The following TCF20 variants were observed in gnomAD, a reference collection of about 807,000 sequenced individuals.
TCF20 encodes transcription factor 20.
A neutral mutation model predicts 148.6 loss-of-function variants in TCF20; 3 were observed. The ratio of observed to expected loss-of-function variants is 0.02; its 90% CI spans 0.01 to 0.05. The LOEUF (loss-of-function observed/expected upper bound fraction) is 0.05, where lower values mean the gene tolerates loss of function less well. Among genes scored for constraint, TCF20 ranks in the 10% least tolerant of loss-of-function variants. TCF20 has a pLI of 1.00. For missense variants in TCF20, 2,350 were observed against 2,429.3 expected (o/e 0.97, Z 0.69); for synonymous variants, 1,049 against 909.5 (o/e 1.15, Z -2.76).
Position 42,212,768 on chromosome 22 carries a change from T to G in TCF20, c.2538A>C (p.Glu846Asp), listed in dbSNP as rs764892765. 23 of 1,614,090 alleles carry G rather than the reference T, an allele frequency of 1.4e-5. No homozygotes were observed. Among genetic ancestry groups the G allele is most frequent in the Non-Finnish European group, 1.8e-5 (21 of 1,180,036 alleles). The change falls in exon 2 of 6, where the codon GAA becomes GAC. Residue 846 changes from glutamate (E) to aspartate (D), a missense_variant. Coordinates refer to ENST00000677622, the MANE Select transcript of TCF20 (RefSeq NM_001378418.1). ...LTDYPIPRKF[E>D]IEPQSSAHEP... ...CATGTGCTGATGACTGAGGCTCTAT[T>G]TCAAACTTTCTGGGAATTGGATAGT...
chr22:42,233,742 A>C (rs1467138531), intron 1 of TCF20, among the ~76,000 whole-genome samples: 3 of 152,190 alleles, frequency 2.0e-5, no homozygotes, highest in Non-Finnish European at 4.4e-5. Context: ...CAAAAGTTTT[A>C]ATCTGTGAGG....
At position 42,212,445 on chromosome 22, in the gene TCF20, G is replaced by C. The variant is rs756073795; in HGVS notation, c.2861C>G (p.Pro954Arg). Residue 954 changes from proline to arginine, a missense_variant, in exon 2 of 6, where the codon CCT becomes CGT. Pro to Arg is a moderately radical substitution (Grantham distance 103, BLOSUM62 -2). This residue lies in a region of TCF20 where 1,641 missense variants were observed against 1,662.6 expected (regional missense o/e 0.99). Coordinates refer to ENST00000677622, the MANE Select transcript of TCF20 (RefSeq NM_001378418.1). ...GCGGTAAGACTCATGCTTGATGCTA[G>C]GAGGATGGCAGTGGTCTCCAGATTT... ...NKKSGDHCHPPSIKHESYRGN... is the reference protein window; with the variant it reads ...NKKSGDHCHPRSIKHESYRGN... 6.8e-6 allele frequency: 11 copies of C among 1,614,224 alleles called. No individual in the cohort carries two copies. The South Asian group carries it at 1.1e-4, about 16-fold the overall frequency.
upstream of TCF20, among the ~76,000 whole-genome samples, chr22:42,272,489 G>A (rs961625974): frequency 6.6e-6 from 1 of 152,176 alleles, no homozygotes; most frequent in African/African-American, 2.4e-5. Context: ...CGTCTCAGAT[G>A]CAGGGCCCGG....
At chr22:42,341,342 G>T (rs540710012) in intron 1 of TCF20, among the ~76,000 whole-genome samples, 1 of 152,184 alleles carries the variant, frequency 6.6e-6, no homozygotes, top group African/African-American at 2.4e-5. Flanking sequence ...CAGAGGGCCT[G>T]ACATAACTCT....
At chr22:42,217,235 T>A (rs964694187) in intron 1 of TCF20, among the ~76,000 whole-genome samples, 1 of 152,180 alleles carries the variant, frequency 6.6e-6, no homozygotes, top group South Asian at 2.1e-4. Context: ...AGCCCCACAG[T>A]TGCCTTGTTC....
intron 1 of TCF20, among the ~76,000 whole-genome samples, 101 bp downstream of exon 1, chr22:42,270,238 C>G (rs1926529706): frequency 6.6e-6 from 1 of 151,678 alleles, no homozygotes; most frequent in Non-Finnish European, 1.5e-5. Context: ...TGGGTCCGGC[C>G]GGGACCTCTG....
At chr22:42,242,224 A>AAAAAAAAAAAC (rs1555942548) in intron 1 of TCF20, among the ~76,000 whole-genome samples, 1 of 147,582 alleles carries the variant, frequency 6.8e-6, no homozygotes, top group African/African-American at 2.6e-5. Flanking sequence ...AAAAAAAAAA[A>AAAAAAAAAAAC]AAACAGAAAA....
intron 2 of TCF20, among the ~76,000 whole-genome samples, chr22:42,207,428 T>C (rs2147185655): frequency 6.6e-6 from 1 of 152,308 alleles, no homozygotes; most frequent in South Asian, 2.1e-4. Flanking sequence ...GCTGCCTTAT[T>C]ATTCTACGGA....
At chr22:42,241,653 T>C (rs1924413602) in intron 1 of TCF20, among the ~76,000 whole-genome samples, 1 of 151,950 alleles carries the variant, frequency 6.6e-6, no homozygotes, top group African/African-American at 2.4e-5. Flanking sequence ...ATGGTGAAAC[T>C]CCATCTCTAC....
chr22:42,176,774 A>T (rs1460649575), intron 3 of TCF20, among the ~76,000 whole-genome samples: 1 of 152,240 alleles, frequency 6.6e-6, no homozygotes, highest in Non-Finnish European at 1.5e-5. Flanking sequence ...GTTCTCGCTC[A>T]TGTGGAAATT....
rs56296819 is a variant in TCF20 at position 42,246,957 on chromosome 22, C to T, written c.-37+23382G>A. ...CTCCAGCCTGGGGGACAGAGCAAGA[C>T]TCTGTCTCAAAAAATTAAAAAAAAA... On this transcript the variant is annotated intron_variant, in intron 1 of 5. Transcript: ENST00000677622. 3.8e-3 allele frequency among the ~76,000 whole-genome samples: 526 copies of T among 139,106 alleles called. 2 individuals carry two copies. Among genetic ancestry groups the T allele is most frequent in the African/African-American group, 0.014 (505 of 36,824 alleles). 91.3% of individuals were successfully genotyped at this position (139,106 alleles called of 152,430 possible).
rs140109749 is a variant in TCF20 at position 42,221,098 on chromosome 22, G to A, written c.-36-5757C>T. Among the ~76,000 whole-genome samples, 7 of 152,306 alleles carry A rather than the reference G, an allele frequency of 4.6e-5. No individual in the cohort carries two copies. In the East Asian group the frequency reaches 1.3e-3, roughly 29 times the overall value. On this transcript the variant is annotated intron_variant, in intron 1 of 5. Transcript: ENST00000677622. ...AGAACTTCCGTTCCAGAACCCTTTA[G>A]CAGCATGGTTCTGGGTTAGAGTTTG...
chr22:42,271,794 G>C (rs140385532), upstream of TCF20, among the ~76,000 whole-genome samples: 7 of 152,340 alleles, frequency 4.6e-5, no homozygotes, highest in Non-Finnish European at 8.8e-5. Flanking sequence ...TAAAAGTTGG[G>C]ATTGGAAAAG....
chr22:42,254,823 C>T (rs769350972), intron 1 of TCF20, among the ~76,000 whole-genome samples: 12 of 151,658 alleles, frequency 7.9e-5, no homozygotes, highest in African/African-American at 1.5e-4. Flanking sequence ...AAATTAGCCG[C>T]GGGTGGAGGC....
intron 2 of TCF20, among the ~76,000 whole-genome samples, chr22:42,180,233 T>TG (rs1299251353): frequency 6.6e-6 from 1 of 152,228 alleles, no homozygotes; most frequent in Non-Finnish European, 1.5e-5. Context: ...TTACCCCAAA[T>TG]GCCCAATACA....
chr22:42,278,183 C>G (rs964994713), intron 1 of TCF20: 1 of 152,220 alleles, frequency 6.6e-6, no homozygotes, highest in Non-Finnish European at 1.5e-5. Flanking sequence ...TGCCTGCGGC[C>G]GTCTGGTGAA....
chr22:42,204,687 A>G (rs1346090406), intron 2 of TCF20, among the ~76,000 whole-genome samples: 1 of 152,034 alleles, frequency 6.6e-6, no homozygotes, highest in African/African-American at 2.4e-5. Flanking sequence ...TCTATTAAAA[A>G]TACAAAAATT....
intron 1 of TCF20, among the ~76,000 whole-genome samples, chr22:42,336,764 CCT>C (rs1241225950): frequency 6.6e-6 from 1 of 152,184 alleles, no homozygotes; most frequent in African/African-American, 2.4e-5. Flanking sequence ...TGCACGGGCC[CCT>C]GACTAGGGTG....
Position 42,161,023 on chromosome 22 carries a change from TAAAC to T in TCF20, c.*376_*379del. ...CAAAAGGGATAGCGCACCTTTCATT[TAAAC>T]AAAGTCTTTCCAGACTAAAAATAGA... On this transcript the variant is annotated 3_prime_UTR_variant, in exon 6 of 6. Coordinates refer to ENST00000677622, the MANE Select transcript of TCF20 (RefSeq NM_001378418.1). 1 of 263,592 alleles carries T rather than the reference TAAAC, an allele frequency of 3.8e-6. No individual in the cohort carries two copies. The highest frequency in any genetic ancestry group is 7.1e-6 in the Non-Finnish European group (1 of 140,750). 16.3% of individuals were successfully genotyped at this position (263,592 alleles called of 1,614,324 possible).
Sources: gnomAD v4.1 joint callset for allele counts (sites outside exome capture counted in the v4.1 genomes callset) on GRCh38, gnomAD v4.1.1 for gene constraint, gnomAD v4.1.1 regional missense constraint, MANE v1.5 for transcripts, NCBI Gene and HGNC (gene_info 2026-07-23, HGNC 2026-07-21) for gene names.